GLCE: variants seen among roughly 807,000 people sequenced by gnomAD.
GLCE encodes the protein D-glucuronyl C5-epimerase.
A neutral mutation model predicts 47.9 loss-of-function variants in GLCE; 19 were observed. The ratio of observed to expected loss-of-function variants is 0.40; its 90% CI spans 0.28 to 0.58. GLCE has a LOEUF of 0.58. Ranked by LOEUF, GLCE falls within the 20% of genes least tolerant of loss-of-function variation. The pLI, the probability that GLCE is intolerant of heterozygous loss-of-function variation, is 0.48. For synonymous variants in GLCE, 245 were observed against 263.4 expected (o/e 0.93, Z 0.68); for missense variants, 556 against 743.3 (o/e 0.75, Z 2.93).
At chr15:69,233,926 T>A (rs954143240) in intron 2 of GLCE, among the ~76,000 whole-genome samples, 1 of 151,938 alleles carries the variant, frequency 6.6e-6, no homozygotes, top group Non-Finnish European at 1.5e-5. Context: ...CATACATACA[T>A]ACATATGAAA....
chr15:69,242,981 C>T (rs186812182), intron 2 of GLCE, among the ~76,000 whole-genome samples: 53 of 145,272 alleles, frequency 3.6e-4, no homozygotes, highest in South Asian at 3.6e-3. Flanking sequence ...CACTTGAGCC[C>T]GAGAGATTGC....
At chr15:69,237,713 G>T (rs2052612556) in intron 2 of GLCE, among the ~76,000 whole-genome samples, 1 of 152,152 alleles carries the variant, frequency 6.6e-6, no homozygotes, top group South Asian at 2.1e-4. Flanking sequence ...GCTTCTTGAT[G>T]AACCTTTCTC....
At chr15:69,180,658 G>A (rs751981427) in intron 1 of GLCE, among the ~76,000 whole-genome samples, 22 of 152,186 alleles carry the variant, frequency 1.4e-4, no homozygotes, top group Non-Finnish European at 2.6e-4. Flanking sequence ...ATTTGAAGAA[G>A]CTTGTCATTG....
At position 69,261,298 on chromosome 15, in the gene GLCE, A is replaced by T; in HGVS notation, c.798A>T (p.Arg266Ser). 1 of 1,614,050 alleles carries T rather than the reference A, an allele frequency of 6.2e-7. No individual in the cohort carries two copies. The change falls in exon 4 of 5, where the codon AGA (arginine) becomes AGT (serine). Residue 266 changes from arginine (R) to serine (S), a missense_variant. By Grantham distance (110) the Arg-to-Ser change is moderately radical (BLOSUM62 -1). This residue lies in a region of GLCE where 74 missense variants were observed against 64.4 expected (regional missense o/e 1.15). Coordinates refer to ENST00000261858, the MANE Select transcript of GLCE (RefSeq NM_015554.3). The part of the protein sequence containing the change: ...CFMANVADKS[R>S]FTNVKQFIAP... ...TGGCGAATGTGGCTGATAAGTCTAGATTCACCAATGTCAAACAGTTTATTG... is the reference window on the plus strand; with the variant it reads ...TGGCGAATGTGGCTGATAAGTCTAGTTTCACCAATGTCAAACAGTTTATTG...
At chr15:69,189,775 A>G (rs1179394780) in intron 1 of GLCE, among the ~76,000 whole-genome samples, 2 of 151,996 alleles carry the variant, frequency 1.3e-5, no homozygotes, top group African/African-American at 2.4e-5. Context: ...GAAGAGGAGG[A>G]CACACTTACT....
chr15:69,239,968 A>G lies in GLCE; in HGVS notation c.-13-15826A>G, dbSNP rs373341429. Among the ~76,000 whole-genome samples the G allele has an allele frequency of 1.4e-4, 22 of 152,316 alleles. No homozygotes were observed. The South Asian group carries it at 4.6e-3, about 32-fold the overall frequency. On this transcript the variant is annotated intron_variant, in intron 2 of 4. Transcript: ENST00000261858. The stretch of plus-strand genomic sequence containing the variant: ...AATGAAACAATCATCAGTGATTGCT[A>G]AAAGTAATATTGGGTGAACTGCTAA...
intron 2 of GLCE, among the ~76,000 whole-genome samples, chr15:69,213,387 A>G (rs2052260261): frequency 6.6e-6 from 1 of 151,984 alleles, no homozygotes; most frequent in Admixed American, 6.6e-5. Flanking sequence ...TGATTTTCAC[A>G]CTTTGAAAGA....
intron 1 of GLCE, among the ~76,000 whole-genome samples, chr15:69,197,960 A>G (rs1218777874): frequency 6.6e-6 from 1 of 152,164 alleles, no homozygotes. Flanking sequence ...GTGGGAAATA[A>G]TTGGGATTAC....
chr15:69,193,381 G>A (rs1323568941), intron 1 of GLCE, among the ~76,000 whole-genome samples: 1 of 152,090 alleles, frequency 6.6e-6, no homozygotes, highest in Non-Finnish European at 1.5e-5. Flanking sequence ...ATATTCAGAA[G>A]TGGAAATCTC....
At chr15:69,163,550 T>A (rs1281372484) in intron 1 of GLCE, among the ~76,000 whole-genome samples, 1 of 152,192 alleles carries the variant, frequency 6.6e-6, no homozygotes, top group African/African-American at 2.4e-5. Context: ...AAAGATTAAA[T>A]TACAATCAGT....
Position 69,255,929 on chromosome 15 carries a change from G to T in GLCE, c.123G>T (p.Arg41=). 1.2e-6 allele frequency: 2 copies of T among 1,614,028 alleles called. No individual in the cohort carries two copies. Among genetic ancestry groups the T allele is most frequent in the Non-Finnish European group, 1.7e-6 (2 of 1,179,982 alleles). Residue 41 remains arginine, a synonymous_variant, in exon 3 of 5, where the codon CGG becomes CGT. Transcript: ENST00000261858. ...CSSDKAIQFP[R]RSSSGFRVDG... The stretch of plus-strand genomic sequence containing the variant: ...GTGACAAAGCAATCCAGTTTCCACG[G>T]CGTTCGAGTAGTGGCTTCAGAGTGG...
intron 1 of GLCE, among the ~76,000 whole-genome samples, chr15:69,202,555 T>G (rs16952938): frequency 0.12 from 18,653 of 152,086 alleles, 1,206 homozygotes; most frequent in East Asian, 0.16. Flanking sequence ...AGACAGTTAT[T>G]TGTAGTTTTC....
At chr15:69,162,448 T>C (rs1595728308) in intron 1 of GLCE, among the ~76,000 whole-genome samples, 1 of 152,306 alleles carries the variant, frequency 6.6e-6, no homozygotes, top group South Asian at 2.1e-4. Flanking sequence ...CTCAGAGCTG[T>C]TCTGTAAATA....
intron 1 of GLCE, chr15:69,197,277 C>T (rs969457573): frequency 6.1e-6 from 2 of 329,198 alleles, no homozygotes; most frequent in Admixed American, 3.3e-5. Flanking sequence ...TCAAGCATCT[C>T]AGCAACTTTT....
chr15:69,261,013 C>A, intron 3 of GLCE, 74 bp from the exon 4 acceptor site: 1 of 1,363,998 alleles, frequency 7.3e-7, no homozygotes, highest in South Asian at 1.3e-5. Flanking sequence ...AGAAGTAAAT[C>A]AGTGAGGAAT....
chr15:69,239,784 G>A (rs1380789086), intron 2 of GLCE, among the ~76,000 whole-genome samples: 1 of 152,014 alleles, frequency 6.6e-6, no homozygotes, highest in African/African-American at 2.4e-5. Context: ...TCATTATTTT[G>A]AAAATTGATA....
chr15:69,226,106 A>G (rs1443377889), intron 2 of GLCE, among the ~76,000 whole-genome samples: 1 of 151,918 alleles, frequency 6.6e-6, no homozygotes, highest in Admixed American at 6.6e-5. Flanking sequence ...ATCTTTTGTT[A>G]TTAGATACAG....
chr15:69,240,558 G>A (rs145517249), intron 2 of GLCE, among the ~76,000 whole-genome samples: 171 of 152,146 alleles, frequency 1.1e-3, no homozygotes, highest in Non-Finnish European at 1.5e-3. Context: ...GCTAGCTAAC[G>A]GGGAGGCATA....
chr15:69,189,658 C>CTT (rs1318500690), intron 1 of GLCE, among the ~76,000 whole-genome samples: 1 of 152,170 alleles, frequency 6.6e-6, no homozygotes, highest in African/African-American at 2.4e-5. Flanking sequence ...AAAGAACCAG[C>CTT]TTTTGGTTTC....
Sources: gnomAD v4.1 joint callset for allele counts (sites outside exome capture counted in the v4.1 genomes callset) on GRCh38, gnomAD v4.1.1 for gene constraint, gnomAD v4.1.1 regional missense constraint, MANE v1.5 for transcripts, NCBI Gene and HGNC (gene_info 2026-07-23, HGNC 2026-07-21) for gene names.